Variants in EYS observed in about 807,000 individuals in gnomAD.
EYS encodes the protein protein eyes shut homolog.
Under a neutral mutation model 282.1 loss-of-function variants are expected in EYS, and 250 were observed. That is an observed-to-expected ratio of 0.89 (90% confidence interval 0.80 to 0.98). The LOEUF (loss-of-function observed/expected upper bound fraction) is 0.98. Ranked by LOEUF, EYS falls within the 50% of genes least tolerant of loss-of-function variation. The pLI is 0.00. For missense variants in EYS, 4,016 were observed against 3,709.0 expected (o/e 1.08, Z -2.15); for synonymous variants, 1,355 against 1,282.9 (o/e 1.06, Z -1.20).
At chr6:64,065,487 C>G (rs994726108) in intron 33 of EYS, among the ~76,000 whole-genome samples, 2 of 152,166 alleles carry the variant, frequency 1.3e-5, no homozygotes. Flanking sequence ...AGCAATTTCT[C>G]TTTTCTGATG....
intron 37 of EYS, 115 bp downstream of exon 37, chr6:63,806,075 G>A: frequency 1.2e-6 from 1 of 829,182 alleles, no homozygotes; most frequent in Non-Finnish European, 1.9e-6. Flanking sequence ...ACAGGAGGAG[G>A]CTGCATCTAG....
At chr6:65,481,048 T>C (rs1765589585) in intron 5 of EYS, among the ~76,000 whole-genome samples, 1 of 152,156 alleles carries the variant, frequency 6.6e-6, no homozygotes, top group Non-Finnish European at 1.5e-5. Flanking sequence ...TTCTACAACA[T>C]TGTAAGGTGA....
chr6:64,648,857 A>G (rs911312183), intron 22 of EYS, among the ~76,000 whole-genome samples: 1 of 152,200 alleles, frequency 6.6e-6, no homozygotes, highest in Non-Finnish European at 1.5e-5. Context: ...AAATTGTTTT[A>G]CATGGAGTTT....
At chr6:65,259,684 G>C (rs1767566424) in intron 12 of EYS, among the ~76,000 whole-genome samples, 2 of 152,036 alleles carry the variant, frequency 1.3e-5, no homozygotes. Flanking sequence ...CCATAGGACT[G>C]ATCAGTAAAA....
intron 16 of EYS, among the ~76,000 whole-genome samples, chr6:64,903,061 C>G (rs1273097265): frequency 6.6e-6 from 1 of 151,872 alleles, no homozygotes; most frequent in Non-Finnish European, 1.5e-5. Context: ...ATAAACAAGA[C>G]AGTTGCAATT....
chr6:63,749,233 A>T (rs1162680673), intron 41 of EYS, among the ~76,000 whole-genome samples: 1 of 152,012 alleles, frequency 6.6e-6, no homozygotes, highest in Non-Finnish European at 1.5e-5. Context: ...TGTTAATTTC[A>T]TTGTTTACCC....
At chr6:65,449,769 C>G (rs1383232695) in intron 5 of EYS, among the ~76,000 whole-genome samples, 1 of 151,814 alleles carries the variant, frequency 6.6e-6, no homozygotes, top group Admixed American at 6.6e-5. Flanking sequence ...TTTTTTTCCT[C>G]TCATTTTCCA....
intron 30 of EYS, among the ~76,000 whole-genome samples, chr6:64,259,612 A>G (rs1251604536): frequency 1.3e-5 from 2 of 150,750 alleles, no homozygotes; most frequent in African/African-American, 4.9e-5. Flanking sequence ...ACATTGACCA[A>G]CCTACCCCCT....
chr6:64,670,402 AAAATAAATAAATAAAT>A (rs60435635), intron 22 of EYS, among the ~76,000 whole-genome samples: 228 of 145,524 alleles, frequency 1.6e-3, no homozygotes, highest in African/African-American at 4.8e-3. Flanking sequence ...GAAGTGGCCC[AAAATAAATAAATAAAT>A]AAATAAATAA....
At chr6:65,384,255 C>A (rs1256597405) in intron 8 of EYS, 131 bp downstream of exon 8, 5 of 640,282 alleles carry the variant, frequency 7.8e-6, no homozygotes, top group African/African-American at 5.5e-5. Context: ...CTTTACATAA[C>A]TCACATTTAA....
At chr6:64,848,133 C>A (rs983213888) in intron 19 of EYS, among the ~76,000 whole-genome samples, 1 of 151,952 alleles carries the variant, frequency 6.6e-6, no homozygotes, top group Non-Finnish European at 1.5e-5. Flanking sequence ...AGTTCCTGAA[C>A]ACATGCTGAT....
In EYS at chr6:65,403,407, T is replaced by TCATCAA. The variant is rs556225737; in HGVS notation, c.1057-803_1057-802insTTGATG. On this transcript the variant is annotated intron_variant, in intron 6 of 42. Coordinates refer to ENST00000503581, the MANE Select transcript of EYS (RefSeq NM_001142800.2). The stretch of plus-strand genomic sequence containing the variant: ...CTCTCTTTTTTCTTTGTTATCCTTA[T>TCATCAA]CATCATCATCATTACCATCATTTTC... Among the ~76,000 whole-genome samples, 620 of 151,926 alleles carry TCATCAA rather than the reference T, an allele frequency of 4.1e-3. 3 individuals carry two copies. Among genetic ancestry groups the TCATCAA allele is most frequent in the African/African-American group, 0.014 (587 of 41,422 alleles).
chr6:64,765,612 A>C (rs1203853844), intron 22 of EYS, among the ~76,000 whole-genome samples: 5 of 152,230 alleles, frequency 3.3e-5, no homozygotes, highest in African/African-American at 4.8e-5. Flanking sequence ...CTCAGGCATA[A>C]CAGGAAGCAT....
intron 22 of EYS, among the ~76,000 whole-genome samples, chr6:64,782,438 G>T (rs982582357): frequency 1.3e-5 from 2 of 152,148 alleles, no homozygotes; most frequent in Non-Finnish European, 2.9e-5. Flanking sequence ...CTTGCAAAAT[G>T]AACATGGAAA....
chr6:64,040,357 T>C (rs1448665942), intron 33 of EYS, among the ~76,000 whole-genome samples: 2 of 152,192 alleles, frequency 1.3e-5, no homozygotes, highest in East Asian at 3.8e-4. Flanking sequence ...AATTTGGAAT[T>C]GTAGTTGGAA....
At chr6:64,168,057 T>A (rs111250902) in intron 31 of EYS, among the ~76,000 whole-genome samples, 6,004 of 152,158 alleles carry the variant, frequency 0.039, 166 homozygotes, top group Non-Finnish European at 0.063. Flanking sequence ...GGTGAGGAGA[T>A]CGAGACCATC....
intron 30 of EYS, among the ~76,000 whole-genome samples, chr6:64,232,693 G>T (rs1766462842): frequency 6.6e-6 from 1 of 152,048 alleles, no homozygotes; most frequent in African/African-American, 2.4e-5. Context: ...CACCTGGCCT[G>T]TACCACACTA....
chr6:65,230,356 G>C (rs920206500), intron 12 of EYS, among the ~76,000 whole-genome samples: 1 of 110,772 alleles, frequency 9.0e-6, no homozygotes, highest in East Asian at 3.6e-4. Flanking sequence ...AGAATGATTG[G>C]TCCAGGTTTA....
chr6:64,292,207 A>G (rs1768740276), intron 30 of EYS, among the ~76,000 whole-genome samples: 1 of 152,166 alleles, frequency 6.6e-6, no homozygotes, highest in Non-Finnish European at 1.5e-5. Context: ...TCTAGTTCCC[A>G]TCTGTGTAAC....
Sources: allele counts gnomAD v4.1 joint callset (sites outside exome capture counted in the v4.1 genomes callset), GRCh38; gene constraint gnomAD v4.1.1; transcripts MANE v1.5; gene names NCBI Gene and HGNC (gene_info 2026-07-23, HGNC 2026-07-21).